Variants in PRRC2B observed in about 807,000 individuals in gnomAD.
PRRC2B encodes the protein protein PRRC2B.
A neutral mutation model predicts 242.3 loss-of-function variants in PRRC2B; 68 were observed. That is an observed-to-expected ratio of 0.28 (90% CI 0.23 to 0.34). The LOEUF (loss-of-function observed/expected upper bound fraction) is 0.34, where lower values mean the gene tolerates loss of function less well. Among genes scored for constraint, PRRC2B ranks in the 10% least tolerant of loss-of-function variants. The pLI, the probability that PRRC2B is intolerant of heterozygous loss-of-function variation, is 1.00. For missense variants in PRRC2B, 2,835 were observed against 2,954.8 expected (o/e 0.96, Z 0.94); for synonymous variants, 1,228 against 1,173.6 (o/e 1.05, Z -0.95).
At chr9:131,443,882 G>A (rs966186215) in intron 5 of PRRC2B, among the ~76,000 whole-genome samples, 3 of 152,202 alleles carry the variant, frequency 2.0e-5, no homozygotes, top group African/African-American at 7.2e-5. Context: ...CAGGCAGTCA[G>A]TAGAACCTTC....
rs753890064 is a variant in PRRC2B at position 131,447,821 on chromosome 9, G to A, written c.1120+17G>A. 6 of 1,605,766 alleles carry A rather than the reference G, an allele frequency of 3.7e-6. No individual in the cohort carries two copies. Among genetic ancestry groups the A allele is most frequent in the East Asian group, 4.5e-5 (2 of 44,680 alleles). On this transcript the variant is annotated intron_variant, in intron 9 of 31. Transcript: ENST00000683519. Reference sequence around the variant, plus strand: ...GCTGGGCAGGTGGGCAGAGAAGCACGGGTGGTTTAGACGGGCAGGACCAAA... The same window carrying A: ...GCTGGGCAGGTGGGCAGAGAAGCACAGGTGGTTTAGACGGGCAGGACCAAA...
Position 131,487,019 on chromosome 9 carries a change from C to A in PRRC2B, c.5857-148C>A. On this transcript the variant is annotated intron_variant, in intron 26 of 31. Coordinates refer to ENST00000683519, the MANE Select transcript of PRRC2B (RefSeq NM_013318.4). This position sits in a 1 kb window ranked among gnomAD's most constrained non-coding sequence, Gnocchi z 5.3. ...TTCATTATAGGCTTTATCCCAATAG[C>A]AAGGGAAGCCCAGGAATGACATGCT... 2.9e-6 allele frequency: 2 copies of A among 689,502 alleles called. No homozygotes were observed. The highest frequency in any genetic ancestry group is 1.7e-5 in the South Asian group (1 of 59,776). The allele number at this position is 689,502 out of a possible 1,614,324, so 42.7% of individuals were successfully genotyped here. A position where few individuals can be genotyped will look rare whatever the true frequency, so the allele number is the denominator to read the frequency against.
intron 1 of PRRC2B, among the ~76,000 whole-genome samples, chr9:131,404,770 G>T (rs930744405): frequency 6.6e-6 from 1 of 152,254 alleles, no homozygotes; most frequent in Non-Finnish European, 1.5e-5. Context: ...CAACTGCAGA[G>T]AATATTTTGT....
intron 19 of PRRC2B, among the ~76,000 whole-genome samples, chr9:131,480,034 C>T (rs7854462): frequency 0.86 from 131,115 of 152,136 alleles, 57,479 homozygotes; most frequent in South Asian, 0.97. Context: ...CAGGGCCCTG[C>T]GCTGTTAGCC....
Position 131,459,230 on chromosome 9 carries a change from G to A in PRRC2B, c.1278G>A (p.Lys426=), listed in dbSNP as rs761391452. ...GCTCTGCAGACAGTGCGGACGCTAA[G>A]CGGACTCGAGAGGAAGGGAAGGACT... The part of the protein sequence containing the change: ...SMSSADSADA[K]RTREEGKDWA... Residue 426 remains lysine (K), a synonymous_variant, in exon 11 of 32, where the codon AAG becomes AAA. Coordinates refer to ENST00000683519, the MANE Select transcript of PRRC2B (RefSeq NM_013318.4). 6 of 1,613,884 alleles carry A rather than the reference G, an allele frequency of 3.7e-6. No individual in the cohort carries two copies. In the East Asian group the frequency reaches 1.1e-4, roughly 30 times the overall value.
chr9:131,427,066 C>G (rs772184176), intron 1 of PRRC2B, among the ~76,000 whole-genome samples: 2 of 152,188 alleles, frequency 1.3e-5, no homozygotes, highest in Non-Finnish European at 2.9e-5. Context: ...ACAGATCGGA[C>G]GTAGGACCGC....
In PRRC2B at chr9:131,475,833, C is replaced by G. The variant is rs756618627; in HGVS notation, c.3704C>G (p.Ser1235Cys). ...PHWQSKSPGSSWQEYGPSDTC... is the reference protein window; with the variant it reads ...PHWQSKSPGSCWQEYGPSDTC... ...TGGCAGAGCAAAAGTCCAGGCAGCT[C>G]TTGGCAGGAATATGGCCCTTCCGAC... The change falls in exon 16 of 32, where the codon TCT (serine) becomes TGT (cysteine). Residue 1235 changes from serine to cysteine, a missense_variant. By Grantham distance (112) the Ser-to-Cys change is moderately radical. Coordinates refer to ENST00000683519, the MANE Select transcript of PRRC2B (RefSeq NM_013318.4). The G allele has an allele frequency of 6.2e-7, 1 of 1,612,870 alleles. No individual in the cohort carries two copies. Among genetic ancestry groups the G allele is most frequent in the African/African-American group, 1.3e-5 (1 of 74,934 alleles).
At chr9:131,495,341 C>T (rs570039802) in intron 31 of PRRC2B, among the ~76,000 whole-genome samples, 3 of 151,978 alleles carry the variant, frequency 2.0e-5, no homozygotes, top group Non-Finnish European at 2.9e-5. Context: ...TCGGGGGCTC[C>T]GAGACGTGCA....
At chr9:131,389,911 G>A (rs577593323), upstream of PRRC2B, among the ~76,000 whole-genome samples, 5 of 143,184 alleles carry the variant, frequency 3.5e-5, no homozygotes, top group African/African-American at 1.3e-4. Flanking sequence ...CTCGGAACAT[G>A]GTTGTTTTTT....
intron 16 of PRRC2B, among the ~76,000 whole-genome samples, chr9:131,477,058 G>C (rs1420115227): frequency 6.6e-6 from 1 of 152,248 alleles, no homozygotes; most frequent in Non-Finnish European, 1.5e-5. Context: ...GAGGGGAGCA[G>C]GCTGCACATG....
Position 131,492,183 on chromosome 9 carries a change from G to A in PRRC2B, c.6396G>A (p.Glu2132=). ...GGTCTCTCTAGCCCTCTCAGATGGA[G>A]ATGAAAGGCTTCCACTTTGCCGACA... ...LNTSREPSQM[E]MKGFHFADSK... is the part of the protein sequence containing the mutation. The change falls in exon 30 of 32, where the codon GAG becomes GAA. Residue 2132 remains glutamate, a synonymous_variant. Coordinates refer to ENST00000683519, the MANE Select transcript of PRRC2B (RefSeq NM_013318.4). 1 of 1,613,772 alleles carries A rather than the reference G, an allele frequency of 6.2e-7. No individual in the cohort carries two copies. Among genetic ancestry groups the A allele is most frequent in the Non-Finnish European group, 8.5e-7 (1 of 1,179,748 alleles).
At chr9:131,403,472 C>G (rs1009107734) in intron 1 of PRRC2B, among the ~76,000 whole-genome samples, 1 of 151,870 alleles carries the variant, frequency 6.6e-6, no homozygotes, top group Non-Finnish European at 1.5e-5. Context: ...CTGCCTCAGC[C>G]TCTTGAGTAG....
In PRRC2B at chr9:131,475,148, G is replaced by C. The variant is rs376025100; in HGVS notation, c.3019G>C (p.Gly1007Arg). Residue 1007 changes from glycine to arginine, a missense_variant, in exon 16 of 32, where the codon GGC (glycine) becomes CGC (arginine). Gly to Arg is a moderately radical substitution (Grantham distance 125, BLOSUM62 -2). Around this residue, in one of 7 missense-constraint regions of PRRC2B, gnomAD observed 1,536 missense variants for 1,483.1 expected, o/e 1.04. Coordinates refer to ENST00000683519, the MANE Select transcript of PRRC2B (RefSeq NM_013318.4). ...NSSTTTLEDK[G>R]PGHATFGREA... is the part of the protein sequence containing the mutation. Reference sequence around the variant, plus strand: ...CTCCACCACCACTTTGGAGGACAAAGGCCCTGGCCATGCCACTTTTGGCCG... The same window carrying C: ...CTCCACCACCACTTTGGAGGACAAACGCCCTGGCCATGCCACTTTTGGCCG... The C allele has an allele frequency of 6.2e-7, 1 of 1,612,878 alleles. No homozygotes were observed. The highest frequency in any genetic ancestry group is 1.3e-5 in the African/African-American group (1 of 74,914).
upstream of PRRC2B, among the ~76,000 whole-genome samples, chr9:131,393,804 C>G (rs1175110608): frequency 1.3e-5 from 2 of 151,724 alleles, no homozygotes; most frequent in African/African-American, 4.8e-5. Flanking sequence ...GTCTCCTCCC[C>G]GATCCCCGCT....
chr9:131,473,773 G>C (rs760252201), intron 15 of PRRC2B, 49 bp downstream of exon 15: 1 of 1,460,840 alleles, frequency 6.8e-7, no homozygotes, highest in Admixed American at 1.8e-5. Flanking sequence ...GAGGACTCCA[G>C]GTCCTAATTG....
chr9:131,465,087 T>C lies in PRRC2B; in HGVS notation c.1720+9T>C, dbSNP rs779276182. On this transcript the variant is annotated intron_variant, in intron 12 of 31. Transcript: ENST00000683519. The stretch of plus-strand genomic sequence containing the variant: ...CCCTGCTGTCCACAAAGGTAAGAGC[T>C]GGGCCGTCTTCCCACCAACTGGAAA... The C allele has an allele frequency of 1.0e-5, 16 of 1,595,210 alleles. No individual in the cohort carries two copies. In the African/African-American group the frequency reaches 2.0e-4, roughly 20 times the overall value.
chr9:131,486,250 C>A, intron 26 of PRRC2B, 68 bp downstream of exon 26: 1 of 1,076,248 alleles, frequency 9.3e-7, no homozygotes, highest in South Asian at 1.4e-5. Context: ...GCGGAATTGG[C>A]TTGCTCATCT....
chr9:131,408,116 G>A lies in PRRC2B; in HGVS notation c.-52+13853G>A, dbSNP rs1030704883. 3.9e-5 allele frequency among the ~76,000 whole-genome samples: 6 copies of A among 152,326 alleles called. No homozygotes were observed. The South Asian group carries it at 6.2e-4, about 16-fold the overall frequency. The stretch of plus-strand genomic sequence containing the variant: ...AGAGGGGGTGGGAAGAAGAGGATGG[G>A]GTTGTTGTAAGTAGGCTGTGTTCTC... On this transcript the variant is annotated intron_variant, in intron 1 of 31. Coordinates refer to ENST00000683519, the MANE Select transcript of PRRC2B (RefSeq NM_013318.4).
At chr9:131,376,799 G>A (rs1295604979) in intron 1 of PRRC2B, among the ~76,000 whole-genome samples, 1 of 152,100 alleles carries the variant, frequency 6.6e-6, no homozygotes, top group East Asian at 1.9e-4. Context: ...TTGAGGCCAC[G>A]AGTTTGAGAC....
Sources: gnomAD v4.1 joint callset for allele counts (sites outside exome capture counted in the v4.1 genomes callset) on GRCh38, gnomAD v4.1.1 for gene constraint, gnomAD v4.1.1 regional missense constraint, Gnocchi (gnomAD v3.1) non-coding constraint, MANE v1.5 for transcripts, NCBI Gene and HGNC (gene_info 2026-07-23, HGNC 2026-07-21) for gene names.